AKAP10: variants seen among roughly 807,000 people sequenced by gnomAD.
AKAP10 encodes the protein A-kinase anchoring protein 10, also known as A-kinase anchor protein 10, mitochondrial.
A neutral mutation model predicts 80.8 loss-of-function variants in AKAP10; 24 were observed. The observed-to-expected ratio is 0.30, with a 90% CI of 0.22 to 0.42. AKAP10 has a LOEUF of 0.42. AKAP10 is among the 10% of genes least tolerant of loss of function. AKAP10 has a pLI of 1.00. For synonymous variants in AKAP10, 291 were observed against 277.7 expected, an observed-to-expected ratio of 1.05 and a Z score of -0.48; for missense variants, 661 against 794.9, an observed-to-expected ratio of 0.83 and a Z score of 2.03.
At position 19,977,747 on chromosome 17, in the gene AKAP10, C is replaced by A; in HGVS notation, c.-68G>T. 2.0e-6 allele frequency: 2 copies of A among 1,018,544 alleles called. No homozygotes were observed. The highest frequency in any genetic ancestry group is 2.5e-6 in the Non-Finnish European group (2 of 790,678). The allele number at this position is 1,018,544 out of a possible 1,614,324, so 63.1% of individuals were successfully genotyped here. On this transcript the variant is annotated 5_prime_UTR_variant, in exon 1 of 15. Coordinates refer to ENST00000225737, the MANE Select transcript of AKAP10 (RefSeq NM_007202.4). ...ACTAGCGCGAAAAGGGACCCTTCTT[C>A]CGGGAGTGGGCCCCACCGCCTCCTC...
chr17:19,953,965 G>A (rs977520903), intron 4 of AKAP10, among the ~76,000 whole-genome samples: 18 of 152,056 alleles, frequency 1.2e-4, no homozygotes, highest in African/African-American at 4.3e-4. Flanking sequence ...CTGGGAGGCA[G>A]AGGTTGCAGT....
chr17:19,955,385 G>A (rs1412355775), intron 4 of AKAP10, among the ~76,000 whole-genome samples: 1 of 152,120 alleles, frequency 6.6e-6, no homozygotes, highest in Non-Finnish European at 1.5e-5. Flanking sequence ...ATCTATGTAT[G>A]TGTTAAAACT....
At position 19,931,698 on chromosome 17, in the gene AKAP10, T is replaced by C. The variant is rs927471922; in HGVS notation, c.1641+107A>G. On this transcript the variant is annotated intron_variant, in intron 10 of 14. Coordinates refer to ENST00000225737, the MANE Select transcript of AKAP10 (RefSeq NM_007202.4). ...AGGCCACTGTGCCTGGCTTTTATCT[T>C]TTTTTTCCACAACTTAAAATTTACA... 10 of 1,357,896 alleles carry C rather than the reference T, an allele frequency of 7.4e-6. No individual in the cohort carries two copies. The Admixed American group carries it at 8.1e-5, about 11-fold the overall frequency. The allele number at this position is 1,357,896 out of a possible 1,614,324, so 84.1% of individuals were successfully genotyped here.
At position 19,907,968 on chromosome 17, in the gene AKAP10, A is replaced by G. The variant is rs559014515; in HGVS notation, c.1983+1213T>C. Among the ~76,000 whole-genome samples the G allele has an allele frequency of 4.0e-5, 6 of 151,800 alleles. No homozygotes were observed. The East Asian group carries it at 7.8e-4, about 20-fold the overall frequency. ...AACCTTCACCTCCTGGGTTCAGGCA[A>G]TTCTCCTGCCTCAGCCTCCCAAGTA... On this transcript the variant is annotated intron_variant, in intron 14 of 14. Coordinates refer to ENST00000225737, the MANE Select transcript of AKAP10 (RefSeq NM_007202.4).
At chr17:19,958,737 C>T (rs1223059300) in intron 3 of AKAP10, among the ~76,000 whole-genome samples, 166 bp from the exon 4 acceptor site, 2 of 150,938 alleles carry the variant, frequency 1.3e-5, no homozygotes, top group Admixed American at 1.3e-4. Context: ...CTTTTGGTTT[C>T]TAAACAAAGT....
In AKAP10 at chr17:19,909,231, C is replaced by T; in HGVS notation, c.1933G>A (p.Asp645Asn). 1 of 1,613,668 alleles carries T rather than the reference C, an allele frequency of 6.2e-7. No individual in the cohort carries two copies. The highest frequency in any genetic ancestry group is 8.5e-7 in the Non-Finnish European group (1 of 1,179,930). Reference sequence around the variant, plus strand: ...TCATACTGAGCCTGCTGCATAATGTCACTGACTATCATTTTAGCAATCTTC... The same window carrying T: ...TCATACTGAGCCTGCTGCATAATGTTACTGACTATCATTTTAGCAATCTTC... Reference protein sequence around the residue: ...AWKIAKMIVSDIMQQAQYDQP... With the variant: ...AWKIAKMIVSNIMQQAQYDQP... The change falls in exon 14 of 15, where the codon GAC (aspartate) becomes AAC (asparagine). Residue 645 changes from aspartate to asparagine, a missense_variant. By Grantham distance (23) the Asp-to-Asn change is conservative. Coordinates refer to ENST00000225737, the MANE Select transcript of AKAP10 (RefSeq NM_007202.4).
intron 10 of AKAP10, among the ~76,000 whole-genome samples, chr17:19,924,908 G>C (rs2042860080): frequency 6.6e-6 from 1 of 151,812 alleles, no homozygotes; most frequent in Non-Finnish European, 1.5e-5. Flanking sequence ...CCAATACAAG[G>C]ATCCCAGCAC....
At chr17:19,925,704 T>C (rs866944611) in intron 10 of AKAP10, among the ~76,000 whole-genome samples, 8 of 151,976 alleles carry the variant, frequency 5.3e-5, no homozygotes, top group Non-Finnish European at 1.0e-4. Flanking sequence ...GACCTCTCTA[T>C]AGCAGGGGTG....
At chr17:19,921,859 A>G (rs1309006090) in intron 11 of AKAP10, among the ~76,000 whole-genome samples, 1 of 152,186 alleles carries the variant, frequency 6.6e-6, no homozygotes, top group Non-Finnish European at 1.5e-5. Context: ...TACAGTGATG[A>G]GTTATAGTAA....
chr17:19,955,930 T>TA (rs2043270353), intron 4 of AKAP10, among the ~76,000 whole-genome samples: 1 of 152,176 alleles, frequency 6.6e-6, no homozygotes, highest in Admixed American at 6.5e-5. Flanking sequence ...AAATGTTTTT[T>TA]AAAAAGGTGA....
intron 8 of AKAP10, 150 bp from the exon 9 acceptor site, chr17:19,936,580 A>G (rs2042995110): frequency 1.3e-6 from 1 of 764,200 alleles, no homozygotes; most frequent in African/African-American, 1.8e-5. Context: ...TGCTGATGTA[A>G]CCTTTCTTTG....
chr17:19,920,957 ATC>A (rs1254799130), intron 11 of AKAP10, among the ~76,000 whole-genome samples: 1 of 133,522 alleles, frequency 7.5e-6, no homozygotes, highest in African/African-American at 2.7e-5. Context: ...AACATAGAGA[ATC>A]TTTTTTTTTT....
At chr17:19,968,288 ATAAG>A (rs2043448859) in intron 2 of AKAP10, 122 bp downstream of exon 2, 1 of 680,964 alleles carries the variant, frequency 1.5e-6, no homozygotes, top group Non-Finnish European at 2.5e-6. Flanking sequence ...AATCAAAATC[ATAAG>A]TAATTATAAA....
intron 14 of AKAP10, among the ~76,000 whole-genome samples, chr17:19,907,161 G>A (rs918114123): frequency 6.6e-6 from 1 of 151,876 alleles, no homozygotes; most frequent in Admixed American, 6.6e-5. Context: ...GGGATTACAG[G>A]CAATGCGCCA....
intron 4 of AKAP10, among the ~76,000 whole-genome samples, chr17:19,956,966 A>G (rs2043284204): frequency 6.6e-6 from 1 of 152,120 alleles, no homozygotes; most frequent in Non-Finnish European, 1.5e-5. Context: ...AACTTGATTC[A>G]GTAGCAGATT....
rs2042629987 is a variant in AKAP10, at chr17:19,906,173, G to C, written c.*54C>G. 1 of 1,576,382 alleles carries C rather than the reference G, an allele frequency of 6.3e-7. No homozygotes were observed. Among genetic ancestry groups the C allele is most frequent in the Non-Finnish European group, 8.7e-7 (1 of 1,148,978 alleles). On this transcript the variant is annotated 3_prime_UTR_variant, in exon 15 of 15. Coordinates refer to ENST00000225737, the MANE Select transcript of AKAP10 (RefSeq NM_007202.4). ...GCTGTGTTGAAGAATCCAACCAAGG[G>C]AAAAAAGTTCTCTTATTTTTCACAA...
intron 4 of AKAP10, among the ~76,000 whole-genome samples, chr17:19,950,926 G>A (rs1384759064): frequency 1.6e-4 from 23 of 147,770 alleles, no homozygotes; most frequent in East Asian, 6.2e-4. Flanking sequence ...CCGCCGCCCC[G>A]TCTGGGATGG....
chr17:19,955,993 G>A (rs1733982843), intron 4 of AKAP10, among the ~76,000 whole-genome samples: 1 of 152,174 alleles, frequency 6.6e-6, no homozygotes. Context: ...TACAGGCAGT[G>A]CCCTTATCTT....
chr17:19,937,483 C>T (rs1452665823), intron 8 of AKAP10, among the ~76,000 whole-genome samples: 2 of 152,058 alleles, frequency 1.3e-5, no homozygotes, highest in Non-Finnish European at 2.9e-5. Flanking sequence ...GCCTGGGTGA[C>T]AGAGCAAGAC....
Sources: allele counts gnomAD v4.1 joint callset (sites outside exome capture counted in the v4.1 genomes callset), GRCh38; gene constraint gnomAD v4.1.1; transcripts MANE v1.5; gene names NCBI Gene and HGNC (gene_info 2026-07-23, HGNC 2026-07-21).